Variants in PJA2 observed in about 807,000 individuals in gnomAD.
PJA2 encodes praja ring finger ubiquitin ligase 2, also known as E3 ubiquitin-protein ligase Praja-2.
A neutral mutation model predicts 69.3 loss-of-function variants in PJA2; 25 were observed. The observed-to-expected ratio is 0.36, with a 90% CI of 0.26 to 0.50. The LOEUF is 0.50. PJA2 is among the 20% of genes least tolerant of loss of function. PJA2 has a pLI of 0.96. For missense variants in PJA2, 809 were observed against 830.2 expected, an observed-to-expected ratio of 0.97 and a Z score of 0.31; for synonymous variants, 308 against 277.8, an observed-to-expected ratio of 1.11 and a Z score of -1.08.
rs879770058 is a variant in PJA2, at chr5:109,354,179, T to G, written c.1764+1736A>C. On this transcript the variant is annotated intron_variant, in intron 7 of 9. Coordinates refer to ENST00000361189, the MANE Select transcript of PJA2 (RefSeq NM_014819.5). ...TATGATATCTAGAGATGTCTATAGATTAGATATCTATGATATCTAGAGATA... is the reference window on the plus strand; with the variant it reads ...TATGATATCTAGAGATGTCTATAGAGTAGATATCTATGATATCTAGAGATA... Among the ~76,000 whole-genome samples, 255 of 101,632 alleles carry G rather than the reference T, an allele frequency of 2.5e-3. 47 individuals are homozygous for G. Among genetic ancestry groups the G allele is most frequent in the South Asian group, 6.1e-3 (16 of 2,616 alleles). The allele number at this position is 101,632 out of a possible 152,430, so 66.7% of individuals were successfully genotyped here.
intron 1 of PJA2, among the ~76,000 whole-genome samples, chr5:109,402,169 T>G (rs1013492162): frequency 6.6e-6 from 1 of 152,110 alleles, no homozygotes; most frequent in Non-Finnish European, 1.5e-5. Flanking sequence ...AAAATAGGCA[T>G]CAGAGAGCAC....
chr5:109,365,928 A>G (rs1347715525), intron 5 of PJA2, among the ~76,000 whole-genome samples: 3 of 152,318 alleles, frequency 2.0e-5, no homozygotes, highest in Non-Finnish European at 2.9e-5. Context: ...AATTTCAACC[A>G]AAGTACAGGT....
At position 109,383,489 on chromosome 5, in the gene PJA2, T is replaced by C; in HGVS notation, c.-56A>G. On this transcript the variant is annotated 5_prime_UTR_variant, in exon 2 of 10. The change creates a new upstream start codon in the 5' untranslated region. Transcript: ENST00000361189. ...AGAATTATAGATGTGATTTAGTTTT[T>C]ATTCACACTATGGACAAGCCGCAGA... 1 of 1,403,424 alleles carries C rather than the reference T, an allele frequency of 7.1e-7. No individual in the cohort carries two copies. The highest frequency in any genetic ancestry group is 1.0e-6 in the Non-Finnish European group (1 of 997,980). The allele number at this position is 1,403,424 out of a possible 1,614,324, so 86.9% of individuals were successfully genotyped here.
chr5:109,337,582 C>T (rs989107977), intron 9 of PJA2, among the ~76,000 whole-genome samples: 7 of 152,082 alleles, frequency 4.6e-5, no homozygotes, highest in East Asian at 1.9e-4. Flanking sequence ...TATTCATGTT[C>T]GTATCTTTAA....
chr5:109,346,841 T>C (rs1336521292), intron 7 of PJA2, among the ~76,000 whole-genome samples: 1 of 152,202 alleles, frequency 6.6e-6, no homozygotes, highest in Non-Finnish European at 1.5e-5. Context: ...GTAGCAATAG[T>C]AAATTTTATA....
Position 109,379,117 on chromosome 5 carries a change from G to A in PJA2, c.370C>T (p.His124Tyr), listed in dbSNP as rs1422035536. 3 of 1,614,076 alleles carry A rather than the reference G, an allele frequency of 1.9e-6. No individual in the cohort carries two copies. The South Asian group carries it at 3.3e-5, about 18-fold the overall frequency. ...AAGGTATCCCTGCCTTCCTCACTGT[G>A]ATGTACTGCAACAAAGGATTGACTG... is the stretch of plus-strand genomic sequence containing the variant. Reference protein sequence around the residue: ...ESSQSFVAVHHSEEGRDTLGS... With the variant: ...ESSQSFVAVHYSEEGRDTLGS... The change falls in exon 4 of 10, where the codon CAC (histidine) becomes TAC (tyrosine). Residue 124 changes from histidine to tyrosine, a missense_variant. This residue lies in a region of PJA2 where 700 missense variants were observed against 639.5 expected (regional missense o/e 1.09). Transcript: ENST00000361189.
At chr5:109,344,409 C>CTGGCTCTTTCGTCTTTCA in intron 8 of PJA2, 98 bp from the exon 9 acceptor site, 1 of 1,297,166 alleles carries the variant, frequency 7.7e-7, no homozygotes, top group Non-Finnish European at 1.0e-6. Context: ...CTCTGAAAGA[C>CTGGCTCTTTCGTCTTTCA]GAAAGAGCCA....
intron 9 of PJA2, among the ~76,000 whole-genome samples, chr5:109,343,273 C>CAAAAAAAA (rs869033444): frequency 1.0e-4 from 2 of 19,372 alleles, no homozygotes; most frequent in Non-Finnish European, 1.6e-4. Flanking sequence ...AAGGGCGGTG[C>CAAAAAAAA]AAAAAAAAAA....
At chr5:109,341,793 G>A (rs1762068142) in intron 9 of PJA2, among the ~76,000 whole-genome samples, 3 of 105,878 alleles carry the variant, frequency 2.8e-5, no homozygotes, top group South Asian at 6.6e-4. Flanking sequence ...TCGGCCCCCC[G>A]CCCGGCCAGC....
In PJA2 at chr5:109,378,647, TTCTG is replaced by T. The variant is rs1419195613; in HGVS notation, c.836_839del (p.Thr279AsnfsTer34). The T allele has an allele frequency of 1.9e-6, 3 of 1,614,064 alleles. No individual in the cohort carries two copies. Among genetic ancestry groups the T allele is most frequent in the African/African-American group, 1.3e-5 (1 of 74,944 alleles). Reference sequence around the variant, plus strand: ...CACAGGCTGCATCTTCAGGTGAATGTTCTGTCTGTCTTTCCTGGCTAGTATTATT... The same window carrying T: ...CACAGGCTGCATCTTCAGGTGAATGTTCTGTCTTTCCTGGCTAGTATTATT... On this transcript the variant is annotated frameshift_variant, in exon 4 of 10. Transcript: ENST00000361189. LOFTEE classifies it high-confidence loss of function.
At position 109,356,049 on chromosome 5, in the gene PJA2, G is replaced by T. The variant is rs755151687; in HGVS notation, c.1653-23C>A. Reference sequence around the variant, plus strand: ...AGGCTGAAAAAAAAAAAAAATAACAGAAAAAACTCACCACTATGATTTGGG... The same window carrying T: ...AGGCTGAAAAAAAAAAAAAATAACATAAAAAACTCACCACTATGATTTGGG... On this transcript the variant is annotated intron_variant, in intron 6 of 9. Transcript: ENST00000361189. 3 of 1,489,440 alleles carry T rather than the reference G, an allele frequency of 2.0e-6. No individual in the cohort carries two copies. The African/African-American group carries it at 4.2e-5, about 21-fold the overall frequency. The allele number at this position is 1,489,440 out of a possible 1,614,324, so 92.3% of individuals were successfully genotyped here. A position where few individuals can be genotyped will look rare whatever the true frequency, so the allele number is the denominator to read the frequency against.
chr5:109,355,105 C>CA (rs1762391731), intron 7 of PJA2, among the ~76,000 whole-genome samples: 1 of 152,150 alleles, frequency 6.6e-6, no homozygotes, highest in African/African-American at 2.4e-5. Flanking sequence ...GCTTGGGTGA[C>CA]AGAGTGAGAT....
chr5:109,389,861 C>A (rs964456350), intron 1 of PJA2, among the ~76,000 whole-genome samples: 3 of 150,486 alleles, frequency 2.0e-5, no homozygotes, highest in African/African-American at 7.3e-5. Flanking sequence ...CATCCACAGG[C>A]TACTCAGAAG....
chr5:109,401,418 C>T (rs1284356024), intron 1 of PJA2, among the ~76,000 whole-genome samples: 1 of 151,968 alleles, frequency 6.6e-6, no homozygotes, highest in East Asian at 1.9e-4. Flanking sequence ...CAAGCTTGTA[C>T]CACTGCACTC....
chr5:109,372,919 A>G (rs1195172018), intron 4 of PJA2, among the ~76,000 whole-genome samples: 1 of 137,612 alleles, frequency 7.3e-6, no homozygotes, highest in African/African-American at 2.8e-5. Context: ...AAAAAAAAAA[A>G]AAAAAAAGAA....
Position 109,367,143 on chromosome 5 carries a change from A to AAAAT in PJA2, c.1469+1417_1469+1418insATTT, listed in dbSNP as rs1252162401. Reference sequence around the variant, plus strand: ...AGCAAGACTCCGTCTCAAAAAAAAAAATATATATATATATATATATATCTA... The same window carrying AAAAT: ...AGCAAGACTCCGTCTCAAAAAAAAAAAAATATATATATATATATATATATATCTA... On this transcript the variant is annotated intron_variant, in intron 5 of 9. Coordinates refer to ENST00000361189, the MANE Select transcript of PJA2 (RefSeq NM_014819.5). 2.6e-3 allele frequency among the ~76,000 whole-genome samples: 367 copies of AAAAT among 143,176 alleles called. 2 individuals carry two copies. Among genetic ancestry groups the AAAAT allele is most frequent in the African/African-American group, 7.1e-3 (279 of 39,076 alleles). 93.9% of individuals were successfully genotyped at this position (143,176 alleles called of 152,430 possible). A position where few individuals can be genotyped will look rare whatever the true frequency, so the allele number is the denominator to read the frequency against.
intron 7 of PJA2, among the ~76,000 whole-genome samples, chr5:109,353,332 A>T (rs1360604555): frequency 2.8e-5 from 4 of 141,588 alleles, no homozygotes; most frequent in African/African-American, 1.0e-4. Context: ...TATATATTAG[A>T]TACCTATAAT....
intron 9 of PJA2, among the ~76,000 whole-genome samples, 183 bp from the exon 10 acceptor site, chr5:109,337,539 A>G (rs1761969791): frequency 6.6e-6 from 1 of 152,006 alleles, no homozygotes; most frequent in Non-Finnish European, 1.5e-5. Context: ...GCCCAATCAG[A>G]CTCTAGTTTC....
At chr5:109,351,889 A>G (rs1762259361) in intron 7 of PJA2, among the ~76,000 whole-genome samples, 1 of 152,190 alleles carries the variant, frequency 6.6e-6, no homozygotes, top group Admixed American at 6.6e-5. Context: ...ATAATCATAA[A>G]TTATTTTTGT....
Sources: gnomAD v4.1 joint callset for allele counts (sites outside exome capture counted in the v4.1 genomes callset) on GRCh38, gnomAD v4.1.1 for gene constraint, gnomAD v4.1.1 regional missense constraint, MANE v1.5 for transcripts, NCBI Gene and HGNC (gene_info 2026-07-23, HGNC 2026-07-21) for gene names.